EYS: variants seen among roughly 807,000 people sequenced by gnomAD.
The protein encoded by EYS is EGF-like photoreceptor maintenance factor, also known as protein eyes shut homolog.
Under a neutral mutation model 282.1 loss-of-function variants are expected in EYS, and 250 were observed. The observed-to-expected ratio is 0.89, with a 90% CI of 0.80 to 0.98. The LOEUF (loss-of-function observed/expected upper bound fraction) is 0.98, where lower values mean the gene tolerates loss of function less well. Among genes scored for constraint, EYS ranks in the 50% least tolerant of loss-of-function variants. EYS has a pLI of 0.00. For missense variants in EYS, 4,016 were observed against 3,709.0 expected, an observed-to-expected ratio of 1.08 and a Z score of -2.15; for synonymous variants, 1,355 against 1,282.9, an observed-to-expected ratio of 1.06 and a Z score of -1.20.
intron 1 of EYS, among the ~76,000 whole-genome samples, chr6:65,653,548 A>G (rs1409057484): frequency 6.6e-6 from 1 of 151,936 alleles, no homozygotes; most frequent in Non-Finnish European, 1.5e-5. Context: ...ATATCATATC[A>G]TTGCCGTATT....
intron 10 of EYS, among the ~76,000 whole-genome samples, chr6:65,340,558 G>C (rs914726452): frequency 9.3e-5 from 14 of 151,082 alleles, no homozygotes; most frequent in African/African-American, 2.9e-4. Flanking sequence ...AAAACTAACA[G>C]TTTGCACATA....
At chr6:64,100,411 C>T (rs908584520) in intron 31 of EYS, among the ~76,000 whole-genome samples, 4 of 152,004 alleles carry the variant, frequency 2.6e-5, no homozygotes, top group South Asian at 2.1e-4. Context: ...TGGCATTTTC[C>T]TGAGCATTTA....
chr6:64,812,193 CAG>C (rs1483891250), intron 22 of EYS, among the ~76,000 whole-genome samples: 2 of 150,986 alleles, frequency 1.3e-5, no homozygotes, highest in Non-Finnish European at 3.0e-5. Context: ...GTACGATAAA[CAG>C]AAAGTATGTT....
intron 29 of EYS, among the ~76,000 whole-genome samples, chr6:64,352,706 T>C (rs1032554359): frequency 6.6e-6 from 1 of 151,624 alleles, no homozygotes; most frequent in African/African-American, 2.4e-5. Flanking sequence ...CATACTTGCT[T>C]ACTCATTTTT....
chr6:64,466,414 C>T (rs1775919222), intron 26 of EYS, among the ~76,000 whole-genome samples: 3 of 152,070 alleles, frequency 2.0e-5, no homozygotes, highest in African/African-American at 7.2e-5. Context: ...GAATACTATT[C>T]AGCCTTAAAA....
intron 42 of EYS, 122 bp downstream of exon 42, chr6:63,726,397 A>G (rs1768616328): frequency 1.2e-5 from 10 of 822,514 alleles, no homozygotes; most frequent in Non-Finnish European, 1.8e-5. Flanking sequence ...TTGCAGTGAC[A>G]ATAGAACATA....
chr6:64,596,995 A>T (rs779829782), intron 24 of EYS, among the ~76,000 whole-genome samples: 101 of 152,268 alleles, frequency 6.6e-4, no homozygotes, highest in Non-Finnish European at 1.2e-3. Context: ...TTTTACAAGG[A>T]CCTCAAACAA....
At chr6:64,672,147 T>C (rs1022569338) in intron 22 of EYS, among the ~76,000 whole-genome samples, 8 of 152,292 alleles carry the variant, frequency 5.3e-5, no homozygotes, top group Admixed American at 5.2e-4. Flanking sequence ...GCTTGTGAGA[T>C]TTTTCTTTTG....
At chr6:64,334,232 G>A (rs896887310) in intron 29 of EYS, among the ~76,000 whole-genome samples, 3 of 152,040 alleles carry the variant, frequency 2.0e-5, no homozygotes, top group African/African-American at 7.2e-5. Flanking sequence ...GCACCTGCAG[G>A]GTTATATTGG....
Position 64,719,173 on chromosome 6 carries a change from A to T in EYS, c.3444-92928T>A, listed in dbSNP as rs535653667. Reference sequence around the variant, plus strand: ...AGGATAACAGTCAGCAAGGAAAAGGAAATTAGATTTTTCCCTTAACCTCAA... The same window carrying T: ...AGGATAACAGTCAGCAAGGAAAAGGTAATTAGATTTTTCCCTTAACCTCAA... On this transcript the variant is annotated intron_variant, in intron 22 of 42. Transcript: ENST00000503581. 9.9e-5 allele frequency among the ~76,000 whole-genome samples: 15 copies of T among 152,254 alleles called. 1 individual carries two copies. In the South Asian group the frequency reaches 3.1e-3, roughly 32 times the overall value.
In EYS at chr6:65,400,976, A is replaced by C. The variant is rs185871691; in HGVS notation, c.1184+1502T>G. Among the ~76,000 whole-genome samples, 624 of 152,026 alleles carry C rather than the reference A, an allele frequency of 4.1e-3. 5 individuals are homozygous for C. The highest frequency in any genetic ancestry group is 0.014 in the African/African-American group (591 of 41,526). On this transcript the variant is annotated intron_variant, in intron 7 of 42. Coordinates refer to ENST00000503581, the MANE Select transcript of EYS (RefSeq NM_001142800.2). ...AAGTATGGTGTCTCCAGATCAGGACAATCAGCATCACTTACGACTTGATTG... is the reference window on the plus strand; with the variant it reads ...AAGTATGGTGTCTCCAGATCAGGACCATCAGCATCACTTACGACTTGATTG...
intron 28 of EYS, among the ~76,000 whole-genome samples, chr6:64,435,723 G>A (rs1774720231): frequency 6.6e-6 from 1 of 151,736 alleles, no homozygotes; most frequent in Admixed American, 6.6e-5. Flanking sequence ...GAGCATTTGG[G>A]GATAGGGTCA....
intron 30 of EYS, among the ~76,000 whole-genome samples, chr6:64,242,688 G>A (rs2150344092): frequency 6.6e-6 from 1 of 151,624 alleles, no homozygotes. Flanking sequence ...TATCCCATGT[G>A]TGTTCTAGCT....
At chr6:64,025,246 G>A (rs182461522) in intron 33 of EYS, among the ~76,000 whole-genome samples, 35 of 152,230 alleles carry the variant, frequency 2.3e-4, no homozygotes, top group African/African-American at 6.7e-4. Context: ...GGGACCGTTG[G>A]TTTGCCTAGA....
intron 35 of EYS, among the ~76,000 whole-genome samples, chr6:63,895,635 A>C (rs1773516970): frequency 6.6e-6 from 1 of 152,196 alleles, no homozygotes; most frequent in African/African-American, 2.4e-5. Flanking sequence ...TCTTTCAGTA[A>C]GATAGATCTT....
chr6:65,294,019 G>T (rs1362586950), intron 12 of EYS, among the ~76,000 whole-genome samples: 1 of 151,774 alleles, frequency 6.6e-6, no homozygotes, highest in African/African-American at 2.4e-5. Flanking sequence ...ACAGCAAGGA[G>T]AAATCAAATG....
chr6:64,902,115 G>A lies in EYS; in HGVS notation c.2844C>T (p.Asn948=), dbSNP rs2150071619. 1.3e-6 allele frequency: 2 copies of A among 1,536,322 alleles called. No homozygotes were observed. The highest frequency in any genetic ancestry group is 1.8e-6 in the Non-Finnish European group (2 of 1,139,288). Residue 948 remains asparagine (N), a splice_region_variant and synonymous_variant, in exon 18 of 43, where the codon AAC becomes AAT. Transcript: ENST00000503581. ...TTTAATAAAAAGTAGCTTCTCACCT[G>A]TTTGTCAGATCCACACATGTTCCAT... ...KNNGTCVDLT[N]RFFCNCEPEY...
At chr6:64,623,708 A>G (rs1767516403) in intron 23 of EYS, among the ~76,000 whole-genome samples, 2 of 152,118 alleles carry the variant, frequency 1.3e-5, no homozygotes, top group African/African-American at 4.8e-5. Flanking sequence ...TAAAGAGTTA[A>G]TTACAAAGGG....
At chr6:64,725,170 T>C (rs547875706) in intron 22 of EYS, among the ~76,000 whole-genome samples, 1 of 152,324 alleles carries the variant, frequency 6.6e-6, no homozygotes, top group South Asian at 2.1e-4. Flanking sequence ...ATGTTGCTTG[T>C]AATATGTAGG....
Sources: allele counts gnomAD v4.1 joint callset (sites outside exome capture counted in the v4.1 genomes callset), GRCh38; gene constraint gnomAD v4.1.1; transcripts MANE v1.5; gene names NCBI Gene and HGNC (gene_info 2026-07-23, HGNC 2026-07-21).